Variants in ZNF589 observed in about 807,000 individuals in gnomAD.
ZNF589 encodes zinc finger protein 589.
Under a neutral mutation model 13.6 loss-of-function variants are expected in ZNF589, and 17 were observed. The observed-to-expected ratio is 1.25, with a 90% CI of 0.86 to 1.88. The LOEUF (loss-of-function observed/expected upper bound fraction) is 1.88. ZNF589 is among the 40% of genes most tolerant of loss of function. ZNF589 has a pLI of 0.00. For synonymous variants in ZNF589, 148 were observed against 161.6 expected, an observed-to-expected ratio of 0.92 and a Z score of 0.64; for missense variants, 407 against 434.0, an observed-to-expected ratio of 0.94 and a Z score of 0.55.
intron 2 of ZNF589, among the ~76,000 whole-genome samples, chr3:48,251,278 T>C (rs1455153957): frequency 6.6e-6 from 1 of 152,130 alleles, no homozygotes; most frequent in South Asian, 2.1e-4. Context: ...GCAACTGTAG[T>C]TCCAGCTACT....
chr3:48,257,111 A>G, intron 2 of ZNF589: 1 of 440,106 alleles, frequency 2.3e-6, no homozygotes, highest in Non-Finnish European at 4.5e-6. Flanking sequence ...ATTGATCTGT[A>G]GTTTTAATTT....
intron 1 of ZNF589, among the ~76,000 whole-genome samples, chr3:48,242,779 T>C (rs2033713080): frequency 1.3e-5 from 2 of 151,980 alleles, no homozygotes; most frequent in African/African-American, 4.8e-5. Context: ...GAAATTTGAA[T>C]TTTGGCTGAG....
At chr3:48,242,041 G>C (rs990172670) in intron 1 of ZNF589, among the ~76,000 whole-genome samples, 6 of 151,944 alleles carry the variant, frequency 3.9e-5, no homozygotes, top group African/African-American at 1.5e-4. Flanking sequence ...CGAACTCCTG[G>C]CCTCAAGCAA....
In ZNF589 at chr3:48,268,307, AG is replaced by A; in HGVS notation, c.619del (p.Ala207GlnfsTer16). 2 of 1,613,630 alleles carry A rather than the reference AG, an allele frequency of 1.2e-6. No homozygotes were observed. Among genetic ancestry groups the A allele is most frequent in the Middle Eastern group, 3.3e-4 (2 of 6,062 alleles). On this transcript the variant is annotated frameshift_variant, in exon 4 of 4. Transcript: ENST00000354698. LOFTEE classifies it low-confidence loss of function (END_TRUNC). ...TGAGGAAGTAGACAGAATTTCCAAG[AG>A]GGCAGAAACCCCAGGGTTTGGAGCA... The part of the protein sequence containing the change: ...SSEEVDRISK[R>X]AETPGFGAVT...
intron 3 of ZNF589, among the ~76,000 whole-genome samples, chr3:48,267,009 T>C (rs2034025926): frequency 6.6e-6 from 1 of 152,216 alleles, no homozygotes; most frequent in Admixed American, 6.5e-5. Flanking sequence ...TCCCCCAATG[T>C]AGAATGCAGT....
intron 1 of ZNF589, among the ~76,000 whole-genome samples, chr3:48,246,302 C>CTCAA (rs34516773): frequency 0.21 from 31,640 of 151,554 alleles, 4,222 homozygotes; most frequent in Non-Finnish European, 0.29. Flanking sequence ...GAGACCCTAT[C>CTCAA]TCAATCAATC....
intron 3 of ZNF589, among the ~76,000 whole-genome samples, chr3:48,263,401 C>T (rs1309456818): frequency 1.3e-5 from 2 of 152,234 alleles, no homozygotes; most frequent in South Asian, 2.1e-4. Context: ...TGAGCCGCCA[C>T]GCCCGGCTCC....
intron 2 of ZNF589, among the ~76,000 whole-genome samples, chr3:48,255,121 G>T (rs2033883590): frequency 6.6e-6 from 1 of 150,916 alleles, no homozygotes; most frequent in Non-Finnish European, 1.5e-5. Flanking sequence ...TTTTGTAGAT[G>T]TTCTTTGTCA....
At chr3:48,264,106 G>C (rs2033995891) in intron 3 of ZNF589, among the ~76,000 whole-genome samples, 1 of 152,206 alleles carries the variant, frequency 6.6e-6, no homozygotes. Context: ...GCAAATGAAG[G>C]CTGGAGAATA....
rs536257986 is a variant in ZNF589, at chr3:48,256,887, G to T, written c.97-3926G>T. On this transcript the variant is annotated intron_variant, in intron 2 of 3. Transcript: ENST00000354698. ...CTGGTCACTGCTGGGCCTGCTAGGA[G>T]CCCACACGGAAGCTGCCCACAGCCA... The T allele has an allele frequency of 3.7e-5, 34 of 927,418 alleles. No individual in the cohort carries two copies. In the South Asian group the frequency reaches 4.6e-4, roughly 12 times the overall value. The allele number at this position is 927,418 out of a possible 1,614,324, so 57.4% of individuals were successfully genotyped here.
chr3:48,256,309 C>T (rs924100983), intron 2 of ZNF589: 25 of 470,920 alleles, frequency 5.3e-5, no homozygotes, highest in African/African-American at 1.2e-4. Flanking sequence ...TACTCCACAG[C>T]GCAGGTGCAG....
chr3:48,246,288 T>C (rs2033764675), intron 1 of ZNF589, among the ~76,000 whole-genome samples: 1 of 150,430 alleles, frequency 6.6e-6, no homozygotes, highest in South Asian at 2.2e-4. Flanking sequence ...GCCTGGGCAA[T>C]AGTGAGACCC....
chr3:48,255,942 G>A (rs1326916959), intron 2 of ZNF589, among the ~76,000 whole-genome samples: 1 of 151,864 alleles, frequency 6.6e-6, no homozygotes, highest in Non-Finnish European at 1.5e-5. Context: ...GTTGGGTTTT[G>A]TATTTTCTGT....
chr3:48,244,019 G>A (rs2033732723), intron 1 of ZNF589, among the ~76,000 whole-genome samples: 1 of 152,120 alleles, frequency 6.6e-6, no homozygotes, highest in Non-Finnish European at 1.5e-5. Flanking sequence ...GGACTTATTT[G>A]CCTCTCTGAA....
At chr3:48,267,489 C>T (rs1339000709) in intron 3 of ZNF589, among the ~76,000 whole-genome samples, 7 of 151,980 alleles carry the variant, frequency 4.6e-5, no homozygotes, top group East Asian at 1.9e-4. Flanking sequence ...CTCTGCCTCC[C>T]GGGTTCAAGT....
chr3:48,264,674 C>T (rs538637235), intron 3 of ZNF589, among the ~76,000 whole-genome samples: 1 of 151,634 alleles, frequency 6.6e-6, no homozygotes, highest in Admixed American at 6.6e-5. Flanking sequence ...ACTAAAAATA[C>T]AAAAATTAGC....
At chr3:48,247,310 T>G (rs2033779918) in intron 1 of ZNF589, among the ~76,000 whole-genome samples, 1 of 151,620 alleles carries the variant, frequency 6.6e-6, no homozygotes, top group Admixed American at 6.6e-5. Context: ...GTAACTAGAG[T>G]CACATAACAC....
chr3:48,261,962 G>A (rs1362089201), intron 3 of ZNF589, among the ~76,000 whole-genome samples: 2 of 152,164 alleles, frequency 1.3e-5, no homozygotes, highest in African/African-American at 4.8e-5. Context: ...TGAAGAATAT[G>A]TTAAAATTGC....
chr3:48,248,094 G>A (rs1199812383), intron 2 of ZNF589, among the ~76,000 whole-genome samples: 2 of 152,186 alleles, frequency 1.3e-5, no homozygotes, highest in East Asian at 1.9e-4. Context: ...TAGAAAAAGA[G>A]TTAACTCTTC....
Sources: gnomAD v4.1 joint callset for allele counts (sites outside exome capture counted in the v4.1 genomes callset) on GRCh38, gnomAD v4.1.1 for gene constraint, MANE v1.5 for transcripts, NCBI Gene and HGNC (gene_info 2026-07-23, HGNC 2026-07-21) for gene names.